The following KAZN variants were observed in gnomAD, a reference collection of about 807,000 sequenced individuals.
The protein encoded by KAZN is kazrin.
In KAZN, 40 loss-of-function variants were observed where a neutral mutation model predicts 87.4. That is an observed-to-expected ratio of 0.46 (90% CI 0.36 to 0.60). The LOEUF (loss-of-function observed/expected upper bound fraction) is 0.60. Ranked by LOEUF, KAZN falls within the 20% of genes least tolerant of loss-of-function variation. The pLI, the probability that KAZN is intolerant of heterozygous loss-of-function variation, is 0.00. For synonymous variants in KAZN, 466 were observed against 458.3 expected, an observed-to-expected ratio of 1.02 and a Z score of -0.22; for missense variants, 898 against 1,073.9, an observed-to-expected ratio of 0.84 and a Z score of 2.29.
intron 1 of KAZN, among the ~76,000 whole-genome samples, chr1:14,171,103 C>G (rs1645945938): frequency 6.6e-6 from 1 of 152,224 alleles, no homozygotes. Context: ...CATCCACATT[C>G]TAGCATGCAG....
intron 1 of KAZN, among the ~76,000 whole-genome samples, chr1:14,099,712 C>A (rs1224197174): frequency 6.6e-6 from 1 of 152,166 alleles, no homozygotes; most frequent in East Asian, 1.9e-4. Flanking sequence ...AATGCAGACA[C>A]CCCACCCTTG....
At chr1:14,362,953 T>C (rs1659644969) in intron 2 of KAZN, among the ~76,000 whole-genome samples, 1 of 152,148 alleles carries the variant, frequency 6.6e-6, no homozygotes, top group Non-Finnish European at 1.5e-5. Flanking sequence ...CCCAATGGCA[T>C]GATGGCAAAG....
chr1:13,933,703 T>C (rs762210817), intron 1 of KAZN, among the ~76,000 whole-genome samples: 13 of 152,296 alleles, frequency 8.5e-5, no homozygotes, highest in Non-Finnish European at 1.6e-4. Context: ...GTGAGAATAA[T>C]AGCAAATCAT....
chr1:14,057,863 C>T (rs972539278), intron 1 of KAZN, among the ~76,000 whole-genome samples: 2 of 152,166 alleles, frequency 1.3e-5, no homozygotes, highest in Non-Finnish European at 2.9e-5. Context: ...CATAGTAGGT[C>T]TTCAATAGAT....
intron 2 of KAZN, among the ~76,000 whole-genome samples, chr1:14,215,000 C>T (rs1319748493): frequency 1.3e-5 from 2 of 152,198 alleles, no homozygotes; most frequent in Non-Finnish European, 2.9e-5. Context: ...TAGCTTTAGG[C>T]TATGCAACAT....
intron 2 of KAZN, among the ~76,000 whole-genome samples, chr1:14,584,147 T>C (rs984410830): frequency 6.6e-6 from 1 of 152,188 alleles, no homozygotes; most frequent in African/African-American, 2.4e-5. Flanking sequence ...CATGCACCTC[T>C]GGTGGGACCA....
rs116046049 is a variant in KAZN, at chr1:14,333,537, T to C, written c.249+152945T>C. 6.6e-3 allele frequency among the ~76,000 whole-genome samples: 1,000 copies of C among 152,320 alleles called. 11 individuals are homozygous for C. The highest frequency in any genetic ancestry group is 0.023 in the African/African-American group (949 of 41,556). On this transcript the variant is annotated intron_variant, in intron 2 of 16. Transcript: ENST00000636203. The stretch of plus-strand genomic sequence containing the variant: ...GCACCTACTATTTGCCACACTATTC[T>C]AGGTGCTTGGAATGTGGCAGGGAAT...
chr1:14,470,907 A>G (rs1668419758), intron 2 of KAZN, among the ~76,000 whole-genome samples: 2 of 152,096 alleles, frequency 1.3e-5, no homozygotes, highest in Admixed American at 1.3e-4. Context: ...CTCTTGGATC[A>G]TTTGCTCTGG....
chr1:14,756,080 T>C (rs183510143), intron 1 of KAZN, among the ~76,000 whole-genome samples: 57 of 152,270 alleles, frequency 3.7e-4, no homozygotes, highest in African/African-American at 1.3e-3. Flanking sequence ...CTTCTGCTAG[T>C]TGCCATGGCT....
chr1:14,877,066 T>C (rs771653136), intron 1 of KAZN, among the ~76,000 whole-genome samples: 7 of 152,236 alleles, frequency 4.6e-5, no homozygotes, highest in Middle Eastern at 3.2e-3. Flanking sequence ...CTTCCAGTCA[T>C]GGCTGGTTCC....
chr1:14,508,407 T>G (rs1218746657), intron 2 of KAZN, among the ~76,000 whole-genome samples: 1 of 152,190 alleles, frequency 6.6e-6, no homozygotes, highest in Non-Finnish European at 1.5e-5. Flanking sequence ...ACGGATCTTC[T>G]TATTAGGCTC....
chr1:14,746,371 C>A (rs1321011748), intron 1 of KAZN, among the ~76,000 whole-genome samples: 1 of 152,012 alleles, frequency 6.6e-6, no homozygotes, highest in Non-Finnish European at 1.5e-5. Context: ...ATAACAAGAG[C>A]AAGTATTTTG....
At chr1:14,064,621 C>G (rs1194795200) in intron 1 of KAZN, among the ~76,000 whole-genome samples, 1 of 148,634 alleles carries the variant, frequency 6.7e-6, no homozygotes, top group Non-Finnish European at 1.5e-5. Context: ...GAAAAGGAGG[C>G]GGGAAAGCTG....
intron 2 of KAZN, among the ~76,000 whole-genome samples, chr1:14,991,128 G>A (rs903500696): frequency 9.2e-5 from 14 of 151,866 alleles, no homozygotes; most frequent in African/African-American, 2.4e-4. Flanking sequence ...TGAGGCGGGC[G>A]GATCACCTGA....
At chr1:14,767,747 G>T (rs1258099977) in intron 1 of KAZN, among the ~76,000 whole-genome samples, 1 of 152,196 alleles carries the variant, frequency 6.6e-6, no homozygotes, top group East Asian at 1.9e-4. Context: ...CTGCAGCCAT[G>T]GGAGGGCTCA....
chr1:14,459,260 C>CGTCTGT (rs1553175311), intron 2 of KAZN, among the ~76,000 whole-genome samples: 5 of 118,030 alleles, frequency 4.2e-5, no homozygotes, highest in Non-Finnish European at 9.8e-5. Context: ...TGTGTGTGCG[C>CGTCTGT]GTGTGTGTGT....
intron 1 of KAZN, among the ~76,000 whole-genome samples, chr1:14,004,183 C>G (rs1230927050): frequency 6.6e-6 from 1 of 151,834 alleles, no homozygotes; most frequent in Non-Finnish European, 1.5e-5. Context: ...CAACTATGCC[C>G]ACACCCAATG....
chr1:14,155,044 C>A (rs1350005556), intron 1 of KAZN, among the ~76,000 whole-genome samples: 1 of 144,702 alleles, frequency 6.9e-6, no homozygotes, highest in Admixed American at 6.9e-5. Flanking sequence ...GTGATACTGG[C>A]CTCAAATAAT....
At chr1:14,377,974 A>G (rs1661050223) in intron 2 of KAZN, among the ~76,000 whole-genome samples, 1 of 152,346 alleles carries the variant, frequency 6.6e-6, no homozygotes, top group East Asian at 1.9e-4. Context: ...CCAGCTGACA[A>G]CCACTGGCTT....
Sources: gnomAD v4.1 joint callset for allele counts (sites outside exome capture counted in the v4.1 genomes callset) on GRCh38, gnomAD v4.1.1 for gene constraint, MANE v1.5 for transcripts, NCBI Gene and HGNC (gene_info 2026-07-23, HGNC 2026-07-21) for gene names.